Variants in ROBO2 observed in about 807,000 individuals in gnomAD.
The protein encoded by ROBO2 is roundabout guidance receptor 2, also known as roundabout homolog 2.
Under a neutral mutation model 160.8 loss-of-function variants are expected in ROBO2, and 53 were observed. The ratio of observed to expected loss-of-function variants is 0.33; its 90% CI spans 0.26 to 0.41. ROBO2 has a LOEUF of 0.41. Among genes scored for constraint, ROBO2 ranks in the 10% least tolerant of loss-of-function variants. ROBO2 has a pLI of 1.00. For synonymous variants in ROBO2, 664 were observed against 611.7 expected (o/e 1.09, Z -1.26); for missense variants, 1,577 against 1,722.4 (o/e 0.92, Z 1.49).
At chr3:76,837,384 A>T (rs1426361163) in intron 2 of ROBO2, among the ~76,000 whole-genome samples, 1 of 151,960 alleles carries the variant, frequency 6.6e-6, no homozygotes, top group African/African-American at 2.4e-5. Flanking sequence ...CTACCTACAT[A>T]GATATTTAAT....
chr3:77,137,605 AATG>A (rs1372467276), intron 2 of ROBO2, among the ~76,000 whole-genome samples: 2 of 152,216 alleles, frequency 1.3e-5, no homozygotes, highest in Non-Finnish European at 2.9e-5. Flanking sequence ...TAACAAACAA[AATG>A]ATGATAAAAG....
At chr3:77,263,120 T>G (rs2058885312) in intron 2 of ROBO2, among the ~76,000 whole-genome samples, 1 of 152,150 alleles carries the variant, frequency 6.6e-6, no homozygotes, top group African/African-American at 2.4e-5. Context: ...GTAGAACCAT[T>G]AAGTCAATTA....
chr3:76,542,316 G>T (rs941493200), intron 2 of ROBO2, among the ~76,000 whole-genome samples: 2 of 152,088 alleles, frequency 1.3e-5, no homozygotes, highest in Admixed American at 6.6e-5. Flanking sequence ...TAATATATGG[G>T]AATATGGTGA....
rs61547121 is a variant in ROBO2, at chr3:76,603,332, CAAAAAAAAA to C, written c.110-494670_110-494662del. On this transcript the variant is annotated intron_variant, in intron 2 of 26. Coordinates refer to the ROBO2 transcript ENST00000487694. The stretch of plus-strand genomic sequence containing the variant: ...GGGTGACAGAGCGAGACTCCATCTC[CAAAAAAAAA>C]AAAAAAAAAAATATATATATATATA... 2.9e-3 allele frequency among the ~76,000 whole-genome samples: 193 copies of C among 66,306 alleles called. 3 individuals carry two copies. Among genetic ancestry groups the C allele is most frequent in the South Asian group, 4.4e-3 (7 of 1,584 alleles). The allele number at this position is 66,306 out of a possible 152,430, so 43.5% of individuals were successfully genotyped here.
At position 75,989,318 on chromosome 3, in the gene ROBO2, G is replaced by A. The variant is rs150903632; in HGVS notation, c.109+51716G>A. Among the ~76,000 whole-genome samples the A allele has an allele frequency of 6.8e-3, 1,033 of 152,004 alleles. 68 individuals are homozygous for A. In the East Asian group the frequency reaches 0.17, roughly 25 times the overall value. On this transcript the variant is annotated intron_variant, in intron 2 of 26. Coordinates refer to the ROBO2 transcript ENST00000487694. ...CATTTACTAGAGACGAAGTTTCACC[G>A]TGTTGGCCAGGCTGGTCTCGAACTC...
chr3:77,019,771 T>C (rs1415686666), intron 2 of ROBO2, among the ~76,000 whole-genome samples: 1 of 152,220 alleles, frequency 6.6e-6, no homozygotes, highest in Admixed American at 6.5e-5. Flanking sequence ...AAACCATTTG[T>C]TTCTAAAATT....
At chr3:77,099,442 C>G (rs1023998039) in intron 2 of ROBO2, among the ~76,000 whole-genome samples, 59 of 152,156 alleles carry the variant, frequency 3.9e-4, no homozygotes, top group African/African-American at 1.3e-3. Context: ...TAGGAAAAGA[C>G]TAGGAGAATC....
At chr3:76,292,056 A>C (rs2107706430) in intron 2 of ROBO2, among the ~76,000 whole-genome samples, 1 of 152,176 alleles carries the variant, frequency 6.6e-6, no homozygotes, top group East Asian at 1.9e-4. Flanking sequence ...CAGGTCCCAA[A>C]TATCTTATTA....
intron 2 of ROBO2, among the ~76,000 whole-genome samples, chr3:77,345,457 A>G (rs986745268): frequency 2.6e-4 from 39 of 152,150 alleles, no homozygotes; most frequent in Admixed American, 1.8e-3. Context: ...TGGTGGACAT[A>G]TTGAAGGCTA....
chr3:77,279,341 G>A (rs984079130), intron 2 of ROBO2, among the ~76,000 whole-genome samples: 9 of 151,830 alleles, frequency 5.9e-5, no homozygotes, highest in East Asian at 1.9e-4. Flanking sequence ...TTGCTTATAC[G>A]GGAAACATTA....
intron 2 of ROBO2, among the ~76,000 whole-genome samples, chr3:76,312,831 A>G (rs773762941): frequency 6.6e-6 from 1 of 152,224 alleles, no homozygotes; most frequent in Non-Finnish European, 1.5e-5. Flanking sequence ...CGTGAGAAAG[A>G]TTGCTGCAAG....
At chr3:77,249,866 G>A (rs2090147652) in intron 2 of ROBO2, among the ~76,000 whole-genome samples, 1 of 150,446 alleles carries the variant, frequency 6.6e-6, no homozygotes, top group Admixed American at 6.6e-5. Flanking sequence ...ACTAAGACCT[G>A]GCTATAAAGT....
chr3:75,956,306 G>C (rs1204370817), intron 2 of ROBO2, among the ~76,000 whole-genome samples: 1 of 151,546 alleles, frequency 6.6e-6, no homozygotes, highest in Non-Finnish European at 1.5e-5. Flanking sequence ...TATATTGCTG[G>C]GATCTGGAGC....
chr3:75,929,526 C>T (rs1438294836), intron 1 of ROBO2, among the ~76,000 whole-genome samples: 1 of 152,130 alleles, frequency 6.6e-6, no homozygotes, highest in Non-Finnish European at 1.5e-5. Context: ...CTCCACATAC[C>T]TGTGGCTGGA....
At chr3:77,416,159 C>T (rs543621425) in intron 2 of ROBO2, among the ~76,000 whole-genome samples, 5 of 152,132 alleles carry the variant, frequency 3.3e-5, no homozygotes, top group Admixed American at 6.5e-5. Flanking sequence ...AGTTGGTGGC[C>T]CTTTGTGTGA....
intron 2 of ROBO2, among the ~76,000 whole-genome samples, chr3:76,792,483 T>A (rs2063426547): frequency 6.6e-6 from 1 of 151,798 alleles, no homozygotes; most frequent in African/African-American, 2.4e-5. Flanking sequence ...TGAAAATAGA[T>A]CATCAGAATC....
At chr3:77,086,009 A>G (rs775778738) in intron 1 of ROBO2, among the ~76,000 whole-genome samples, 1 of 152,142 alleles carries the variant, frequency 6.6e-6, no homozygotes, top group African/African-American at 2.4e-5. Context: ...AAAAATAAAT[A>G]GATGCTTCCT....
chr3:76,141,060 C>CAT (rs55691222), intron 2 of ROBO2, among the ~76,000 whole-genome samples: 26,829 of 53,524 alleles, frequency 0.5, 7,579 homozygotes, highest in Non-Finnish European at 0.58. Flanking sequence ...TTTTTACATA[C>CAT]ATATATATAT....
intron 2 of ROBO2, among the ~76,000 whole-genome samples, chr3:77,127,629 G>A (rs540650153): frequency 2.6e-4 from 40 of 152,102 alleles, no homozygotes; most frequent in Admixed American, 7.9e-4. Context: ...TTTCTTATCC[G>A]CTAGTAAACT....
Sources: gnomAD v4.1 joint callset for allele counts (sites outside exome capture counted in the v4.1 genomes callset) on GRCh38, gnomAD v4.1.1 for gene constraint, MANE v1.5 for transcripts, NCBI Gene and HGNC (gene_info 2026-07-23, HGNC 2026-07-21) for gene names.